The following PTPRN2 variants were observed in gnomAD, a reference collection of about 807,000 sequenced individuals.
PTPRN2 encodes receptor-type tyrosine-protein phosphatase N2.
In PTPRN2, 74 loss-of-function variants were observed where a neutral mutation model predicts 118.8. The ratio of observed to expected loss-of-function variants is 0.62; its 90% CI spans 0.52 to 0.76. The LOEUF (loss-of-function observed/expected upper bound fraction) is 0.76. Ranked by LOEUF, PTPRN2 falls within the 30% of genes least tolerant of loss-of-function variation. PTPRN2 has a pLI of 0.00. For synonymous variants in PTPRN2, 641 were observed against 608.0 expected, an observed-to-expected ratio of 1.05 and a Z score of -0.80; for missense variants, 1,481 against 1,394.4, an observed-to-expected ratio of 1.06 and a Z score of -0.99.
chr7:157,962,258 G>T (rs540446006), intron 11 of PTPRN2, among the ~76,000 whole-genome samples: 2 of 152,300 alleles, frequency 1.3e-5, no homozygotes, highest in Admixed American at 1.3e-4. Flanking sequence ...TTTCCTGGTC[G>T]ATGAAAACAC....
intron 2 of PTPRN2, among the ~76,000 whole-genome samples, chr7:158,341,332 C>A (rs1806726722): frequency 1.3e-5 from 2 of 151,088 alleles, no homozygotes; most frequent in African/African-American, 4.9e-5. Context: ...ACGTCACTCA[C>A]ACCCACACTC....
intron 3 of PTPRN2, among the ~76,000 whole-genome samples, chr7:158,238,525 C>T (rs557490408): frequency 2.6e-5 from 4 of 152,184 alleles, no homozygotes; most frequent in Admixed American, 6.5e-5. Flanking sequence ...TCTGTATCAC[C>T]CAAAACATCA....
In PTPRN2 at chr7:157,876,494, A is replaced by G. The variant is rs534857656; in HGVS notation, c.1788+22179T>C. 1.7e-4 allele frequency among the ~76,000 whole-genome samples: 26 copies of G among 152,328 alleles called. No homozygotes were observed. In the East Asian group the frequency reaches 4.8e-3, roughly 28 times the overall value. ...GAAAAAAGTACTGTTGGATGCTGAC[A>G]CCACCACAAATAATCTAGTTCCTTG... On this transcript the variant is annotated intron_variant, in intron 12 of 22. Coordinates refer to ENST00000389418, the MANE Select transcript of PTPRN2 (RefSeq NM_002847.5).
chr7:158,125,274 T>A (rs1817550917), intron 9 of PTPRN2, among the ~76,000 whole-genome samples: 1 of 144,202 alleles, frequency 6.9e-6, no homozygotes, highest in Admixed American at 6.9e-5. Flanking sequence ...CTGCCTCAAG[T>A]CCCTCCCACG....
chr7:158,325,063 A>C (rs1356248826), intron 2 of PTPRN2, among the ~76,000 whole-genome samples: 1 of 151,236 alleles, frequency 6.6e-6, no homozygotes, highest in Non-Finnish European at 1.5e-5. Context: ...ACAATTATCC[A>C]CAGAGATCCA....
In PTPRN2 at chr7:157,701,792, G is replaced by C. The variant is rs541441841; in HGVS notation, c.1789-18855C>G. ...TGACACGGGCTGTGGGTTTGTAAGA[G>C]AGCCGGGTAGGTGCTGGTGTAACTG... is the stretch of plus-strand genomic sequence containing the variant. On this transcript the variant is annotated intron_variant, in intron 12 of 22. Transcript: ENST00000389418. Among the ~76,000 whole-genome samples the C allele has an allele frequency of 4.6e-3, 698 of 150,778 alleles. 8 individuals carry two copies. The highest frequency in any genetic ancestry group is 0.016 in the African/African-American group (652 of 41,002).
At chr7:158,271,738 C>T (rs766528399) in intron 3 of PTPRN2, among the ~76,000 whole-genome samples, 3 of 152,288 alleles carry the variant, frequency 2.0e-5, no homozygotes, top group East Asian at 1.9e-4. Flanking sequence ...TGTCGGTGAG[C>T]GCCCACTTTT....
rs1204110167 is a variant in PTPRN2, at chr7:157,596,071, C to T, written c.2419-756G>A. Among the ~76,000 whole-genome samples, 1 of 152,224 alleles carries T rather than the reference C, an allele frequency of 6.6e-6. No individual in the cohort carries two copies. The highest frequency in any genetic ancestry group is 1.5e-5 in the Non-Finnish European group (1 of 68,034). ...AGGAGAACGAGCCTCTTGCTAGAGC[C>T]ACAGGGCTGGCTGGGGTGAGGCTGA... On this transcript the variant is annotated intron_variant, in intron 16 of 22. Transcript: ENST00000389418. This position sits in a 1 kb window ranked among gnomAD's most constrained non-coding sequence, Gnocchi z 4.2.
intron 4 of PTPRN2, among the ~76,000 whole-genome samples, chr7:158,204,424 A>G (rs1420471306): frequency 6.6e-6 from 1 of 152,230 alleles, no homozygotes; most frequent in Non-Finnish European, 1.5e-5. Context: ...ATGAAAGCAG[A>G]TATCTAAATT....
chr7:157,745,784 A>G (rs1227957325), intron 12 of PTPRN2, among the ~76,000 whole-genome samples: 1 of 152,150 alleles, frequency 6.6e-6, no homozygotes, highest in Non-Finnish European at 1.5e-5. Flanking sequence ...GTTCCTACCC[A>G]TTTCCAGGCA....
intron 2 of PTPRN2, among the ~76,000 whole-genome samples, chr7:158,412,817 C>G: frequency 7.0e-6 from 1 of 141,914 alleles, no homozygotes; most frequent in Admixed American, 6.9e-5. Flanking sequence ...CATCTCAGCA[C>G]CCTCCTCAGC....
intron 8 of PTPRN2, 106 bp from the exon 9 acceptor site, chr7:158,134,165 C>A (rs914971203): frequency 1.5e-6 from 2 of 1,326,230 alleles, no homozygotes; most frequent in African/African-American, 1.5e-5. Context: ...ATGACATGGG[C>A]AGCCTGGAAG....
At chr7:157,934,264 C>T (rs966487314) in intron 11 of PTPRN2, among the ~76,000 whole-genome samples, 1 of 152,142 alleles carries the variant, frequency 6.6e-6, no homozygotes, top group Non-Finnish European at 1.5e-5. Context: ...AGAATATCGG[C>T]CGCTCATTTT....
At chr7:157,754,248 G>A (rs888790478) in intron 12 of PTPRN2, among the ~76,000 whole-genome samples, 3 of 152,240 alleles carry the variant, frequency 2.0e-5, no homozygotes, top group African/African-American at 7.2e-5. Flanking sequence ...TGGGGAATGT[G>A]GCCTGTGCTG....
intron 12 of PTPRN2, among the ~76,000 whole-genome samples, chr7:157,873,502 C>T (rs1025429266): frequency 1.3e-5 from 2 of 150,884 alleles, no homozygotes; most frequent in African/African-American, 2.5e-5. Flanking sequence ...TCCGTCTCGC[C>T]GTGGGGGCCG....
chr7:158,430,828 A>G (rs1213455146), intron 2 of PTPRN2, among the ~76,000 whole-genome samples: 1 of 152,220 alleles, frequency 6.6e-6, no homozygotes, highest in Non-Finnish European at 1.5e-5. Flanking sequence ...CTGGAGTGAA[A>G]ACAGCAGTGA....
intron 11 of PTPRN2, among the ~76,000 whole-genome samples, chr7:158,061,342 C>T (rs775188982): frequency 1.6e-4 from 25 of 152,222 alleles, no homozygotes; most frequent in Non-Finnish European, 3.1e-4. Flanking sequence ...CAGGCACAGT[C>T]CCCACGTGCT....
chr7:158,463,992 G>A (rs1312521726), intron 2 of PTPRN2, among the ~76,000 whole-genome samples: 58 of 80,292 alleles, frequency 7.2e-4, no homozygotes, highest in South Asian at 4.9e-3. Flanking sequence ...ATGCCATTTA[G>A]TAAATAATCC....
Position 158,196,895 on chromosome 7 carries a change from T to C in PTPRN2, c.381-4400A>G, listed in dbSNP as rs1279372505. Among the ~76,000 whole-genome samples the C allele has an allele frequency of 1.3e-5, 2 of 152,116 alleles. 1 individual carries two copies. Among genetic ancestry groups the C allele is most frequent in the East Asian group, 3.9e-4 (2 of 5,190 alleles). On this transcript the variant is annotated intron_variant, in intron 4 of 22. Transcript: ENST00000389418. Reference sequence around the variant, plus strand: ...GGTAGACTTATGGCTCTCTTAGAAATACGACACTGAAGGACATCATCCCCA... The same window carrying C: ...GGTAGACTTATGGCTCTCTTAGAAACACGACACTGAAGGACATCATCCCCA...
Sources: allele counts gnomAD v4.1 joint callset (sites outside exome capture counted in the v4.1 genomes callset), GRCh38; gene constraint gnomAD v4.1.1; non-coding constraint Gnocchi (gnomAD v3.1); transcripts MANE v1.5; gene names NCBI Gene and HGNC (gene_info 2026-07-23, HGNC 2026-07-21).